Variants in ADPGK observed in about 807,000 individuals in gnomAD.
The protein encoded by ADPGK is ADP dependent glucokinase, also known as ADP-dependent glucokinase.
ADPGK carries 26 observed loss-of-function variants against 42.4 expected under a neutral mutation model. That is an observed-to-expected ratio of 0.61 (90% CI 0.45 to 0.85). The LOEUF (loss-of-function observed/expected upper bound fraction) is 0.85. Among genes scored for constraint, ADPGK ranks in the 40% least tolerant of loss-of-function variants. The pLI, the probability that ADPGK is intolerant of heterozygous loss-of-function variation, is 0.00. For missense variants in ADPGK, 571 were observed against 627.0 expected (o/e 0.91, Z 0.95); for synonymous variants, 267 against 252.6 (o/e 1.06, Z -0.54).
intron 2 of ADPGK, among the ~76,000 whole-genome samples, chr15:72,772,244 T>C (rs1005533122): frequency 6.6e-6 from 1 of 152,200 alleles, no homozygotes. Flanking sequence ...AACTAAAATC[T>C]AACTCTTGAG....
intron 3 of ADPGK, among the ~76,000 whole-genome samples, chr15:72,765,429 C>T (rs1209395059): frequency 6.6e-6 from 1 of 152,148 alleles, no homozygotes; most frequent in African/African-American, 2.4e-5. Flanking sequence ...GGATTACAGG[C>T]GTGAGCCACT....
At chr15:72,783,361 T>C in intron 1 of ADPGK, 98 bp downstream of exon 1, 1 of 1,295,274 alleles carries the variant, frequency 7.7e-7, no homozygotes, top group Non-Finnish European at 9.8e-7. Flanking sequence ...CAGCAGCGCC[T>C]CCCGGGGACC....
chr15:72,774,449 AG>A (rs1290602933), intron 2 of ADPGK, among the ~76,000 whole-genome samples: 2 of 152,208 alleles, frequency 1.3e-5, no homozygotes, highest in African/African-American at 4.8e-5. Context: ...GTGAACCTCC[AG>A]GAAGTGCCTG....
At chr15:72,754,875 TCTTATA>T (rs1328575935) in intron 6 of ADPGK, among the ~76,000 whole-genome samples, 3 of 152,186 alleles carry the variant, frequency 2.0e-5, no homozygotes, top group Non-Finnish European at 4.4e-5. Context: ...TTCTGTATTT[TCTTATA>T]CTTGTACAAA....
intron 5 of ADPGK, 155 bp downstream of exon 5, chr15:72,756,096 G>T: frequency 1.2e-6 from 1 of 822,136 alleles, no homozygotes; most frequent in Non-Finnish European, 2.0e-6. Context: ...ACAGTGAGGT[G>T]CCTCACTGCA....
intron 3 of ADPGK, among the ~76,000 whole-genome samples, chr15:72,768,355 C>A (rs1034060443): frequency 1.3e-5 from 2 of 152,050 alleles, no homozygotes; most frequent in African/African-American, 4.8e-5. Flanking sequence ...GATACAATAC[C>A]AATGCGACAC....
intron 3 of ADPGK, among the ~76,000 whole-genome samples, chr15:72,767,597 A>G (rs1161763345): frequency 6.6e-6 from 1 of 152,174 alleles, no homozygotes. Context: ...CATAGAAAGC[A>G]TATTTTCTGA....
At chr15:72,763,909 A>G (rs937554418) in intron 3 of ADPGK, among the ~76,000 whole-genome samples, 2 of 152,194 alleles carry the variant, frequency 1.3e-5, no homozygotes, top group Admixed American at 6.5e-5. Flanking sequence ...TGCTACTATT[A>G]TAACTGTTTT....
chr15:72,782,567 T>C (rs1322878847), intron 1 of ADPGK, among the ~76,000 whole-genome samples: 3 of 136,422 alleles, frequency 2.2e-5, no homozygotes, highest in African/African-American at 2.7e-5. Context: ...TTATAGCTAA[T>C]ATCGAATGCT....
At chr15:72,756,657 A>C in intron 4 of ADPGK, 1 of 592,082 alleles carries the variant, frequency 1.7e-6, no homozygotes, top group Non-Finnish European at 3.0e-6. Flanking sequence ...AAGAAACAGA[A>C]ACATAGTATG....
Position 72,751,939 on chromosome 15 carries a change from G to C in ADPGK, c.*402C>G, listed in dbSNP as rs568021699. 1.6e-5 allele frequency: 3 copies of C among 185,756 alleles called. No homozygotes were observed. In the South Asian group the frequency reaches 3.6e-4, roughly 22 times the overall value. The allele number at this position is 185,756 out of a possible 1,614,324, so 11.5% of individuals were successfully genotyped here. ...CTTGCCCATGGGCACTGAGCTGAAA[G>C]AAAGAGGAACCTCACATGAGGCTTT... On this transcript the variant is annotated 3_prime_UTR_variant, in exon 7 of 7. Transcript: ENST00000456471.
At chr15:72,774,097 C>G (rs1291912556) in intron 2 of ADPGK, among the ~76,000 whole-genome samples, 1 of 152,196 alleles carries the variant, frequency 6.6e-6, no homozygotes, top group East Asian at 1.9e-4. Flanking sequence ...CCTGCCTCAG[C>G]CTCCCAAAGT....
At chr15:72,758,236 T>A in intron 4 of ADPGK, 1 of 1,022,414 alleles carries the variant, frequency 9.8e-7, no homozygotes, top group Non-Finnish European at 1.6e-6. Context: ...TGGATCTAAT[T>A]CTGCCTGTAA....
intron 2 of ADPGK, among the ~76,000 whole-genome samples, chr15:72,774,246 C>T (rs181006997): frequency 6.6e-6 from 1 of 152,188 alleles, no homozygotes; most frequent in African/African-American, 2.4e-5. Context: ...ACTACCAAAC[C>T]AGACTGGGTG....
At position 72,752,666 on chromosome 15, in the gene ADPGK, G is replaced by A. The variant is rs1473879320; in HGVS notation, c.1169C>T (p.Ala390Val). 3.7e-6 allele frequency: 6 copies of A among 1,614,076 alleles called. No individual in the cohort carries two copies. The Admixed American group carries it at 6.7e-5, about 18-fold the overall frequency. ...GTTGGCCCAGTGTCCATCCACAGTT[G>A]CCAGGATGTGGTAGACCAGCGTGTG... ...HFHTLVYHIL[A>V]TVDGHWANQL... Residue 390 changes from alanine to valine, a missense_variant, in exon 7 of 7, where the codon GCA (alanine) becomes GTA (valine). Physicochemically the swap from Ala to Val is moderately conservative, Grantham distance 64. Coordinates refer to ENST00000456471, the MANE Select transcript of ADPGK (RefSeq NM_001365225.1).
intron 1 of ADPGK, among the ~76,000 whole-genome samples, chr15:72,781,774 C>T (rs1014218196): frequency 3.9e-5 from 6 of 152,166 alleles, no homozygotes; most frequent in Non-Finnish European, 5.9e-5. Flanking sequence ...ATTGTCCACC[C>T]CCCACCAATT....
At chr15:72,778,385 T>C (rs1447729792) in intron 1 of ADPGK, among the ~76,000 whole-genome samples, 1 of 152,068 alleles carries the variant, frequency 6.6e-6, no homozygotes, top group African/African-American at 2.4e-5. Context: ...CATCCCAAAA[T>C]GTAAAAAGCA....
chr15:72,763,807 G>C (rs954577148), intron 3 of ADPGK, among the ~76,000 whole-genome samples: 5 of 152,172 alleles, frequency 3.3e-5, no homozygotes, highest in Non-Finnish European at 7.4e-5. Flanking sequence ...CCAACAGCAT[G>C]TGCTCACTTC....
At chr15:72,770,485 T>A (rs776478536) in intron 3 of ADPGK, among the ~76,000 whole-genome samples, 2 of 152,146 alleles carry the variant, frequency 1.3e-5, no homozygotes, top group Admixed American at 6.5e-5. Context: ...TAGGAAACCA[T>A]GAAAACTCCT....
Sources: gnomAD v4.1 joint callset for allele counts (sites outside exome capture counted in the v4.1 genomes callset) on GRCh38, gnomAD v4.1.1 for gene constraint, MANE v1.5 for transcripts, NCBI Gene and HGNC (gene_info 2026-07-23, HGNC 2026-07-21) for gene names.